ADGRG2: variants seen among roughly 807,000 people sequenced by gnomAD.
ADGRG2 encodes G protein-coupled receptor 64.
ADGRG2 carries 26 observed loss-of-function variants against 74.1 expected under a neutral mutation model. The ratio of observed to expected loss-of-function variants is 0.35; its 90% CI spans 0.26 to 0.49. The LOEUF (loss-of-function observed/expected upper bound fraction) is 0.49. Among genes scored for constraint, ADGRG2 ranks in the 20% least tolerant of loss-of-function variants. ADGRG2 has a pLI of 0.99. For synonymous variants in ADGRG2, 296 were observed against 295.2 expected (o/e 1.00, Z -0.03); for missense variants, 619 against 763.1 (o/e 0.81, Z 2.22).
rs2060972674 is a variant in ADGRG2, at chrX:19,037,773, T to A, written c.155-137A>T. The A allele has an allele frequency of 1.8e-5, 8 of 452,969 alleles. No homozygotes were observed. The East Asian group carries it at 3.1e-4, about 17-fold the overall frequency. The allele number at this position is 452,969 out of a possible 1,213,427, so 37.3% of individuals were successfully genotyped here. On this transcript the variant is annotated intron_variant, in intron 4 of 28. Transcript: ENST00000379869. ...AGACCAAGTTGTAGTTAAATCTGCA[T>A]GTCCCATAAGCGCTCAGTGAGTATA... is the stretch of plus-strand genomic sequence containing the variant.
chrX:19,051,128 G>T (rs1205225208), intron 3 of ADGRG2, among the ~76,000 whole-genome samples: 1 of 111,921 alleles, frequency 8.9e-6, no homozygotes, highest in African/African-American at 3.3e-5. Flanking sequence ...AGGCCGGACT[G>T]CAGTGGCGCG....
upstream of ADGRG2, chrX:19,122,729 G>C (rs1327856949): frequency 9.0e-6 from 1 of 111,079 alleles, no homozygotes; most frequent in African/African-American, 3.3e-5. Context: ...GCAGGGGCAG[G>C]GGCCGGGGAG....
chrX:19,117,152 G>A (rs1435379197), intron 1 of ADGRG2, among the ~76,000 whole-genome samples: 2 of 109,465 alleles, frequency 1.8e-5, no homozygotes, highest in Admixed American at 9.8e-5. Context: ...AAAATTAGTC[G>A]GGTGTGGTGG....
chrX:19,025,279 T>C (rs988637464), intron 11 of ADGRG2, among the ~76,000 whole-genome samples: 1 of 93,329 alleles, frequency 1.1e-5, no homozygotes, highest in African/African-American at 3.8e-5. Flanking sequence ...GTTCTCACAA[T>C]TAGCCTCATG....
At chrX:19,104,171 A>T (rs1332502583) in intron 1 of ADGRG2, among the ~76,000 whole-genome samples, 2 of 110,674 alleles carry the variant, frequency 1.8e-5, no homozygotes, top group Non-Finnish European at 3.8e-5. Context: ...AGGTCTGAGA[A>T]GGACTCCTCA....
At chrX:19,096,153 G>A (rs2062092098) in intron 1 of ADGRG2, among the ~76,000 whole-genome samples, 1 of 111,991 alleles carries the variant, frequency 8.9e-6, no homozygotes, top group Admixed American at 9.5e-5. Flanking sequence ...GCTCACGCCT[G>A]TAATCCCAAC....
intron 3 of ADGRG2, among the ~76,000 whole-genome samples, chrX:19,064,582 C>T (rs1402649175): frequency 8.9e-6 from 1 of 112,302 alleles, no homozygotes; most frequent in East Asian, 2.8e-4. Flanking sequence ...TTGGAGGAGG[C>T]GGTGCCTATG....
At chrX:19,005,013 C>A in intron 22 of ADGRG2, 134 bp from the exon 23 acceptor site, 1 of 451,714 alleles carries the variant, frequency 2.2e-6, no homozygotes. Context: ...TTATTACTAT[C>A]AGGTAAAGAT....
chrX:19,055,917 A>G (rs1002701329), intron 3 of ADGRG2, among the ~76,000 whole-genome samples: 24 of 110,015 alleles, frequency 2.2e-4, no homozygotes, highest in African/African-American at 8.0e-4. Context: ...TATTTTTAGT[A>G]GAGACAGGGT....
intron 1 of ADGRG2, among the ~76,000 whole-genome samples, chrX:19,083,683 C>G (rs1038424092): frequency 8.9e-6 from 1 of 112,011 alleles, no homozygotes; most frequent in Non-Finnish European, 1.9e-5. Context: ...GGGGTATCCA[C>G]CCAAGGCAGA....
intron 2 of ADGRG2, among the ~76,000 whole-genome samples, chrX:19,072,913 C>A (rs771939935): frequency 8.9e-6 from 1 of 111,874 alleles, no homozygotes; most frequent in South Asian, 3.8e-4. Context: ...AAGTTTGAAA[C>A]CTTTAGTCAT....
At chrX:19,119,237 A>C (rs2062574369) in intron 1 of ADGRG2, among the ~76,000 whole-genome samples, 1 of 112,268 alleles carries the variant, frequency 8.9e-6, no homozygotes, top group Admixed American at 9.5e-5. Context: ...AATCCATTAA[A>C]TCGATTTGTA....
At chrX:19,032,224 G>A (rs2060839695) in intron 8 of ADGRG2, 1 of 111,424 alleles carries the variant, frequency 9.0e-6, no homozygotes, top group Non-Finnish European at 1.9e-5. Context: ...TTGATTTTGT[G>A]AGCAAATTAA....
intron 1 of ADGRG2, among the ~76,000 whole-genome samples, chrX:19,090,024 T>C (rs2061993130): frequency 1.8e-5 from 2 of 112,270 alleles, no homozygotes; most frequent in South Asian, 7.4e-4. Flanking sequence ...CTTCCTTTCT[T>C]CTTTTCCTTC....
At chrX:18,997,573 T>C (rs1349027092) in intron 26 of ADGRG2, among the ~76,000 whole-genome samples, 1 of 112,734 alleles carries the variant, frequency 8.9e-6, no homozygotes, top group Non-Finnish European at 1.9e-5. Context: ...GTTTTTGGTT[T>C]TGTATGTAAT....
chrX:19,008,915 A>T (rs1371099821), intron 18 of ADGRG2, among the ~76,000 whole-genome samples: 3 of 111,528 alleles, frequency 2.7e-5, no homozygotes, highest in Non-Finnish European at 3.8e-5. Flanking sequence ...GGGTGTTTGT[A>T]GCCCCCAATC....
rs749082050 is a variant in ADGRG2 at position 19,010,774 on chromosome X, G to A, written c.1104C>T (p.Ile368=). ...GATCAGAAATACTGCTGGTGTTGAC[G>A]ATGTCTATATCAAAGAGCCAAATCG... ...TTSAPPVQTD[I]VNTSSISDLE... The change falls in exon 17 of 29, where the codon ATC becomes ATT. Residue 368 remains isoleucine, a synonymous_variant. Coordinates refer to ENST00000379869, the MANE Select transcript of ADGRG2 (RefSeq NM_001079858.3). The A allele has an allele frequency of 6.7e-6, 8 of 1,187,283 alleles. No individual in the cohort carries two copies. The African/African-American group carries it at 1.1e-4, about 16-fold the overall frequency.
In ADGRG2 at chrX:19,035,996, A is replaced by G. The variant is rs771392500; in HGVS notation, c.227-19T>C. ...GTAACATCTGAAATAAAATAATAAAAATTAGCATAACTACTGGCATGGTTT... is the reference window on the plus strand; with the variant it reads ...GTAACATCTGAAATAAAATAATAAAGATTAGCATAACTACTGGCATGGTTT... On this transcript the variant is annotated intron_variant, in intron 6 of 28. Coordinates refer to ENST00000379869, the MANE Select transcript of ADGRG2 (RefSeq NM_001079858.3). The G allele has an allele frequency of 2.0e-5, 17 of 848,418 alleles. No homozygotes were observed. Among genetic ancestry groups the G allele is most frequent in the Non-Finnish European group, 2.9e-5 (17 of 582,686 alleles). 69.9% of individuals were successfully genotyped at this position (848,418 alleles called of 1,213,427 possible).
chrX:19,009,290 G>C (rs1219006619), intron 18 of ADGRG2, among the ~76,000 whole-genome samples: 1 of 109,299 alleles, frequency 9.1e-6, no homozygotes, highest in East Asian at 2.9e-4. Context: ...CAATTCTCCT[G>C]CCTCAGCCTC....
Sources: gnomAD v4.1 joint callset for allele counts (sites outside exome capture counted in the v4.1 genomes callset) on GRCh38, gnomAD v4.1.1 for gene constraint, MANE v1.5 for transcripts, NCBI Gene and HGNC (gene_info 2026-07-23, HGNC 2026-07-21) for gene names.